Variants in PRDM11 observed in about 807,000 individuals in gnomAD.
PRDM11 encodes PR/SET domain 11.
In PRDM11, 20 loss-of-function variants were observed where a neutral mutation model predicts 97.8. That is an observed-to-expected ratio of 0.20 (90% CI 0.14 to 0.30). The LOEUF (loss-of-function observed/expected upper bound fraction) is 0.30, where lower values mean the gene tolerates loss of function less well. Ranked by LOEUF, PRDM11 falls within the 10% of genes least tolerant of loss-of-function variation. PRDM11 has a pLI of 1.00. For synonymous variants in PRDM11, 599 were observed against 637.7 expected, an observed-to-expected ratio of 0.94 and a Z score of 0.91; for missense variants, 1,139 against 1,555.2, an observed-to-expected ratio of 0.73 and a Z score of 4.50.
intron 4 of PRDM11, among the ~76,000 whole-genome samples, chr11:45,185,865 A>C (rs1243910034): frequency 6.6e-6 from 1 of 152,010 alleles, no homozygotes; most frequent in Non-Finnish European, 1.5e-5. Context: ...GGGAGCGATG[A>C]TCTTGGATTA....
chr11:45,152,807 C>A (rs1175687658), intron 1 of PRDM11, among the ~76,000 whole-genome samples: 3 of 152,206 alleles, frequency 2.0e-5, no homozygotes, highest in African/African-American at 7.2e-5. Flanking sequence ...GCACCTGATT[C>A]CTGAGCCCTC....
chr11:45,165,963 C>T (rs904568691), intron 1 of PRDM11, among the ~76,000 whole-genome samples: 6 of 152,188 alleles, frequency 3.9e-5, no homozygotes, highest in African/African-American at 1.4e-4. Context: ...ATTGCACAGA[C>T]TCCAGACAGC....
intron 5 of PRDM11, chr11:45,213,598 G>A (rs1565334740): frequency 2.2e-5 from 10 of 456,614 alleles, no homozygotes; most frequent in Middle Eastern, 3.3e-4. Flanking sequence ...TTGGAGTGGG[G>A]AGAAGAATGG....
chr11:45,160,540 T>A (rs1334332103), intron 1 of PRDM11, among the ~76,000 whole-genome samples: 1 of 152,172 alleles, frequency 6.6e-6, no homozygotes, highest in Non-Finnish European at 1.5e-5. Flanking sequence ...AACAAATGGT[T>A]TCATGTAGTA....
At chr11:45,180,766 C>T (rs1397418976) in intron 1 of PRDM11, among the ~76,000 whole-genome samples, 1 of 150,220 alleles carries the variant, frequency 6.7e-6, no homozygotes, top group African/African-American at 2.4e-5. Context: ...CCGCCCGCGC[C>T]CGCCCCGGCC....
Position 45,224,304 on chromosome 11 carries a change from G to A in PRDM11, c.830G>A (p.Arg277Lys), listed in dbSNP as rs752793140. The change falls in exon 7 of 8, where the codon AGA (arginine) becomes AAA (lysine). Residue 277 changes from arginine (R) to lysine (K), a missense_variant. Transcript: ENST00000683152. Reference protein sequence around the residue: ...LRGPIHLSVLRQGKSPYKRGF... With the variant: ...LRGPIHLSVLKQGKSPYKRGF... Reference sequence around the variant, plus strand: ...GGTCCCATTCATCTCTCTGTGCTGAGACAGGGCAAAAGTCCCTACAAGCGT... The same window carrying A: ...GGTCCCATTCATCTCTCTGTGCTGAAACAGGGCAAAAGTCCCTACAAGCGT... 63 of 1,614,042 alleles carry A rather than the reference G, an allele frequency of 3.9e-5. No homozygotes were observed. The highest frequency in any genetic ancestry group is 1.6e-4 in the Middle Eastern group (1 of 6,084).
chr11:45,189,923 G>A (rs184289047), intron 4 of PRDM11, among the ~76,000 whole-genome samples: 45 of 152,190 alleles, frequency 3.0e-4, no homozygotes, highest in African/African-American at 9.2e-4. Context: ...CAGGGTAGTC[G>A]TGCAGTGTGT....
At chr11:45,156,666 A>G (rs1029518443) in intron 1 of PRDM11, among the ~76,000 whole-genome samples, 4 of 152,206 alleles carry the variant, frequency 2.6e-5, no homozygotes, top group Admixed American at 6.5e-5. Context: ...CTTCACCTCA[A>G]ATTTCTTGAG....
chr11:45,223,347 T>C (rs562054477), intron 6 of PRDM11, among the ~76,000 whole-genome samples: 19 of 152,338 alleles, frequency 1.2e-4, no homozygotes, highest in Middle Eastern at 3.4e-3. Context: ...AAATAATTTA[T>C]GGTTCAGGAG....
chr11:45,117,594 A>G (rs1852331234), intron 1 of PRDM11, among the ~76,000 whole-genome samples: 1 of 152,178 alleles, frequency 6.6e-6, no homozygotes, highest in Non-Finnish European at 1.5e-5. Context: ...AAGAAAAAAT[A>G]TAATTAGACT....
intron 4 of PRDM11, among the ~76,000 whole-genome samples, chr11:45,185,690 A>G (rs1211188611): frequency 6.6e-6 from 1 of 152,238 alleles, no homozygotes; most frequent in African/African-American, 2.4e-5. Flanking sequence ...CTGTCCCTAC[A>G]GGGTTAGCCC....
upstream of PRDM11, among the ~76,000 whole-genome samples, chr11:45,143,575 C>A (rs1259705243): frequency 1.3e-5 from 2 of 152,164 alleles, no homozygotes; most frequent in Admixed American, 1.3e-4. Context: ...GGCTGAAAAG[C>A]TGCATTATGG....
At chr11:45,225,042 T>C in intron 7 of PRDM11, 199 bp downstream of exon 7, 4 of 1,447,686 alleles carry the variant, frequency 2.8e-6, no homozygotes, top group African/African-American at 1.4e-5. Flanking sequence ...AGGTGCTCCA[T>C]GTGTTGCCCT....
chr11:45,121,216 A>T (rs1363467469), intron 1 of PRDM11, among the ~76,000 whole-genome samples: 1 of 152,180 alleles, frequency 6.6e-6, no homozygotes, highest in Non-Finnish European at 1.5e-5. Context: ...TATAATATGA[A>T]ATAATTGTCA....
In PRDM11 at chr11:45,231,842, G is replaced by A. The variant is rs1854404303; in HGVS notation, c.*3683G>A. 1 of 152,038 alleles carries A rather than the reference G, an allele frequency of 6.6e-6. No homozygotes were observed. Among genetic ancestry groups the A allele is most frequent in the African/African-American group, 2.4e-5 (1 of 41,406 alleles). 9.4% of individuals were successfully genotyped at this position (152,038 alleles called of 1,614,324 possible). On this transcript the variant is annotated 3_prime_UTR_variant, in exon 8 of 8. Transcript: ENST00000683152. Reference sequence around the variant, plus strand: ...GAGAGTCCAGGCATCAGAAACAGCAGCCTTATTTAATTTAATTTTTCTAAT... The same window carrying A: ...GAGAGTCCAGGCATCAGAAACAGCAACCTTATTTAATTTAATTTTTCTAAT...
chr11:45,125,413 T>C (rs898982383), intron 1 of PRDM11, among the ~76,000 whole-genome samples: 3 of 152,216 alleles, frequency 2.0e-5, no homozygotes, highest in Admixed American at 2.0e-4. Flanking sequence ...GCTTTTCTAG[T>C]TCTTTTAATT....
intron 1 of PRDM11, among the ~76,000 whole-genome samples, chr11:45,109,251 G>A (rs1400797160): frequency 1.3e-5 from 2 of 152,202 alleles, no homozygotes; most frequent in Non-Finnish European, 2.9e-5. Context: ...TGCTACTACA[G>A]GTAGGATGCA....
chr11:45,098,334 T>C (rs944869863), intron 1 of PRDM11, among the ~76,000 whole-genome samples: 3 of 152,322 alleles, frequency 2.0e-5, no homozygotes, highest in East Asian at 1.9e-4. Flanking sequence ...TTGGCCATCA[T>C]TGAGCAGGGG....
At chr11:45,182,485 C>A in intron 3 of PRDM11, 136 bp downstream of exon 3, 1 of 799,516 alleles carries the variant, frequency 1.3e-6, no homozygotes, top group Non-Finnish European at 2.0e-6. Context: ...GGCCTTGGTT[C>A]GTCATCATCA....
Sources: allele counts gnomAD v4.1 joint callset (sites outside exome capture counted in the v4.1 genomes callset), GRCh38; gene constraint gnomAD v4.1.1; transcripts MANE v1.5; gene names NCBI Gene and HGNC (gene_info 2026-07-23, HGNC 2026-07-21).